Variants in FHIT observed in about 807,000 individuals in gnomAD.
The protein encoded by FHIT is fragile histidine triad diadenosine triphosphatase, also known as bis(5'-adenosyl)-triphosphatase.
Under a neutral mutation model 17.9 loss-of-function variants are expected in FHIT, and 19 were observed. That is an observed-to-expected ratio of 1.06 (90% confidence interval 0.74 to 1.56). The LOEUF (loss-of-function observed/expected upper bound fraction) is 1.56. Among genes scored for constraint, FHIT ranks in the 40% most tolerant of loss-of-function variants. The pLI is 0.00. For missense variants in FHIT, 248 were observed against 189.2 expected, an observed-to-expected ratio of 1.31 and a Z score of -1.82; for synonymous variants, 81 against 69.7, an observed-to-expected ratio of 1.16 and a Z score of -0.81.
At chr3:60,145,718 T>C (rs1044402205) in intron 5 of FHIT, among the ~76,000 whole-genome samples, 2 of 152,170 alleles carry the variant, frequency 1.3e-5, no homozygotes, top group Non-Finnish European at 2.9e-5. Flanking sequence ...AAACCACACT[T>C]ATCCTGGTCC....
chr3:61,239,761 C>CTATATGTATATATATATATA (rs1491311135), intron 1 of FHIT, among the ~76,000 whole-genome samples: 1 of 63,166 alleles, frequency 1.6e-5, no homozygotes, highest in Non-Finnish European at 3.0e-5. Flanking sequence ...AAACAACTGG[C>CTATATGTATATATATATATA]CATATATATA....
intron 7 of FHIT, among the ~76,000 whole-genome samples, chr3:59,934,697 G>T (rs1022475434): frequency 1.3e-5 from 2 of 152,036 alleles, no homozygotes; most frequent in African/African-American, 2.4e-5. Flanking sequence ...TGGCAGAAGG[G>T]GAAGCAAACA....
intron 5 of FHIT, among the ~76,000 whole-genome samples, chr3:60,043,473 C>T (rs1701526129): frequency 6.6e-6 from 1 of 152,178 alleles, no homozygotes; most frequent in African/African-American, 2.4e-5. Context: ...CTCCATTTTA[C>T]AGATGGAGAG....
At chr3:59,802,541 C>T (rs559665084) in intron 8 of FHIT, among the ~76,000 whole-genome samples, 3 of 152,292 alleles carry the variant, frequency 2.0e-5, no homozygotes, top group South Asian at 4.1e-4. Context: ...TTGTGACCCC[C>T]GCCCCTGCCC....
chr3:59,871,117 G>A (rs1376118497), intron 8 of FHIT, among the ~76,000 whole-genome samples: 5 of 152,088 alleles, frequency 3.3e-5, no homozygotes, highest in Non-Finnish European at 5.9e-5. Flanking sequence ...CTTCAGGACT[G>A]GCACTGATCC....
intron 3 of FHIT, among the ~76,000 whole-genome samples, chr3:60,970,068 C>T (rs1024933971): frequency 1.3e-5 from 2 of 152,148 alleles, no homozygotes; most frequent in African/African-American, 2.4e-5. Context: ...AAGCGATCTG[C>T]CTGCCTCGGC....
intron 4 of FHIT, among the ~76,000 whole-genome samples, chr3:60,606,942 C>T (rs2038627649): frequency 6.6e-6 from 1 of 152,126 alleles, no homozygotes; most frequent in South Asian, 2.1e-4. Flanking sequence ...TTACCTGCTT[C>T]CACTGGAACT....
chr3:60,652,262 C>T (rs2040007926), intron 4 of FHIT, among the ~76,000 whole-genome samples: 1 of 152,110 alleles, frequency 6.6e-6, no homozygotes, highest in South Asian at 2.1e-4. Flanking sequence ...AGCTTCAAGG[C>T]AATAAAAAAG....
At chr3:61,134,044 G>A (rs1000913691) in intron 2 of FHIT, among the ~76,000 whole-genome samples, 5 of 151,420 alleles carry the variant, frequency 3.3e-5, no homozygotes, top group East Asian at 3.9e-4. Context: ...AGCTGAGATC[G>A]CGCCACTGCA....
intron 4 of FHIT, among the ~76,000 whole-genome samples, chr3:60,684,578 AG>A (rs2107869687): frequency 6.6e-6 from 1 of 152,166 alleles, no homozygotes; most frequent in African/African-American, 2.4e-5. Context: ...TCCCAACCTC[AG>A]AGTGAGGTTA....
intron 3 of FHIT, among the ~76,000 whole-genome samples, chr3:60,877,132 C>T (rs1704702945): frequency 6.6e-6 from 1 of 152,170 alleles, no homozygotes; most frequent in Admixed American, 6.5e-5. Flanking sequence ...AGAGAAGGAA[C>T]TAATACTGTG....
At chr3:60,905,282 A>G (rs1324648391) in intron 3 of FHIT, among the ~76,000 whole-genome samples, 1 of 152,188 alleles carries the variant, frequency 6.6e-6, no homozygotes, top group Non-Finnish European at 1.5e-5. Context: ...AAAGTTGAAA[A>G]ACTTGACAAT....
intron 8 of FHIT, among the ~76,000 whole-genome samples, chr3:59,876,279 A>G (rs540875217): frequency 5.3e-5 from 8 of 152,238 alleles, no homozygotes; most frequent in Non-Finnish European, 1.2e-4. Context: ...ATGATCTTAA[A>G]AAAGATTATT....
intron 1 of FHIT, among the ~76,000 whole-genome samples, chr3:61,241,548 G>T (rs1277864343): frequency 6.6e-6 from 1 of 152,148 alleles, no homozygotes; most frequent in African/African-American, 2.4e-5. Flanking sequence ...CCTCCAGCCT[G>T]GTCTAACTAA....
chr3:60,762,585 A>G (rs1699695812), intron 4 of FHIT, among the ~76,000 whole-genome samples: 1 of 152,218 alleles, frequency 6.6e-6, no homozygotes, highest in South Asian at 2.1e-4. Flanking sequence ...GTCTAGCAGT[A>G]TGTGACAGTT....
chr3:60,069,908 A>G (rs1702691136), intron 5 of FHIT, among the ~76,000 whole-genome samples: 1 of 152,124 alleles, frequency 6.6e-6, no homozygotes, highest in Non-Finnish European at 1.5e-5. Context: ...TACCATATAA[A>G]AACTTTCTTC....
chr3:60,797,563 GTC>G (rs782493447), intron 4 of FHIT, among the ~76,000 whole-genome samples: 67 of 150,958 alleles, frequency 4.4e-4, no homozygotes, highest in Admixed American at 8.0e-4. Context: ...TAGTTCAGAG[GTC>G]TCACAAATTC....
intron 5 of FHIT, among the ~76,000 whole-genome samples, chr3:60,512,883 AC>A (rs1262755405): frequency 6.6e-6 from 1 of 152,216 alleles, no homozygotes; most frequent in African/African-American, 2.4e-5. Flanking sequence ...ATATTTAATA[AC>A]CAAATGCAAT....
At position 60,777,554 on chromosome 3, in the gene FHIT, G is replaced by T. The variant is rs111364822; in HGVS notation, c.-18+44365C>A. 3.0e-3 allele frequency among the ~76,000 whole-genome samples: 461 copies of T among 152,232 alleles called. 1 individual carries two copies. The highest frequency in any genetic ancestry group is 4.9e-3 in the Non-Finnish European group (334 of 68,004). On this transcript the variant is annotated intron_variant, in intron 4 of 9. Coordinates refer to ENST00000492590, the MANE Select transcript of FHIT (RefSeq NM_002012.4). ...AAATGCTTCTTATCAGACCTAAAAG[G>T]GTGCCTGGCTCTTAGTTGATTATCT...
Sources: gnomAD v4.1 joint callset for allele counts (sites outside exome capture counted in the v4.1 genomes callset) on GRCh38, gnomAD v4.1.1 for gene constraint, MANE v1.5 for transcripts, NCBI Gene and HGNC (gene_info 2026-07-23, HGNC 2026-07-21) for gene names.